Variants in TCF4 observed in about 807,000 individuals in gnomAD.
TCF4 encodes the protein SL3-3 enhancer factor 2.
In TCF4, 3 loss-of-function variants were observed where a neutral mutation model predicts 82.1. The ratio of observed to expected loss-of-function variants is 0.04; its 90% CI spans 0.02 to 0.09. TCF4 has a LOEUF of 0.09. TCF4 is among the 10% of genes least tolerant of loss of function. TCF4 has a pLI of 1.00. For synonymous variants in TCF4, 276 were observed against 309.6 expected (o/e 0.89, Z 1.14); for missense variants, 518 against 852.7 (o/e 0.61, Z 4.89).
At chr18:55,383,717 T>A (rs184677058) in intron 6 of TCF4, among the ~76,000 whole-genome samples, 1 of 152,346 alleles carries the variant, frequency 6.6e-6, no homozygotes, top group Non-Finnish European at 1.5e-5. Flanking sequence ...TGCTACTGCA[T>A]AAGAGATTCT....
At chr18:55,279,800 T>C in intron 8 of TCF4, 144 bp from the exon 9 acceptor site, 1 of 1,306,628 alleles carries the variant, frequency 7.7e-7, no homozygotes, top group South Asian at 1.5e-5. Flanking sequence ...AACAGTGCCC[T>C]TTCCGAACAC....
chr18:55,475,383 C>T (rs144378833), intron 3 of TCF4, among the ~76,000 whole-genome samples: 14 of 152,278 alleles, frequency 9.2e-5, no homozygotes, highest in Admixed American at 2.6e-4. Context: ...CAGGACATCA[C>T]TTCCAGAGCC....
At position 55,254,713 on chromosome 18, in the gene TCF4, A is replaced by C; in HGVS notation, c.1147-13T>G. The C allele has an allele frequency of 1.3e-6, 2 of 1,595,100 alleles. No homozygotes were observed. Among genetic ancestry groups the C allele is most frequent in the Non-Finnish European group, 1.7e-6 (2 of 1,169,954 alleles). ...CAATTCGGCTTTGCTGTTGGTTAAC[A>C]AATGATGTAAAATTTGATTTAGTTC... is the stretch of plus-strand genomic sequence containing the variant. On this transcript the variant is annotated splice_polypyrimidine_tract_variant and intron_variant, in intron 14 of 19. Coordinates refer to ENST00000354452, the MANE Select transcript of TCF4 (RefSeq NM_001083962.2).
At chr18:55,341,023 T>C (rs960780370) in intron 8 of TCF4, among the ~76,000 whole-genome samples, 2 of 152,228 alleles carry the variant, frequency 1.3e-5, no homozygotes, top group African/African-American at 4.8e-5. Context: ...GCAAAAGTTA[T>C]AGGACATGAC....
At chr18:55,475,256 G>T (rs2096267237) in intron 3 of TCF4, among the ~76,000 whole-genome samples, 1 of 152,098 alleles carries the variant, frequency 6.6e-6, no homozygotes, top group Non-Finnish European at 1.5e-5. Flanking sequence ...TTAGAATTTT[G>T]GAAGAATACA....
At chr18:55,376,112 C>A (rs1248156987) in intron 6 of TCF4, among the ~76,000 whole-genome samples, 3 of 151,370 alleles carry the variant, frequency 2.0e-5, no homozygotes, top group Non-Finnish European at 4.4e-5. Flanking sequence ...ACCTCCACCC[C>A]CAGGGCTCAA....
intron 8 of TCF4, among the ~76,000 whole-genome samples, chr18:55,337,275 G>C (rs993709599): frequency 7.2e-5 from 11 of 152,150 alleles, no homozygotes; most frequent in African/African-American, 2.4e-4. Flanking sequence ...TCAGAAGTTG[G>C]TCATCTTACT....
intron 8 of TCF4, among the ~76,000 whole-genome samples, chr18:55,294,288 G>T (rs550215168): frequency 2.0e-4 from 31 of 151,842 alleles, no homozygotes; most frequent in African/African-American, 6.0e-4. Context: ...GAAAAAGAAA[G>T]AAATTCATAT....
intron 1 of TCF4, chr18:55,631,395 G>A: frequency 1.9e-6 from 3 of 1,546,520 alleles, no homozygotes; most frequent in Non-Finnish European, 1.7e-6. Context: ...TTTGCTGCAG[G>A]GTGGAGAAAA....
At chr18:55,301,592 CT>C (rs776919478) in intron 8 of TCF4, among the ~76,000 whole-genome samples, 3 of 152,118 alleles carry the variant, frequency 2.0e-5, no homozygotes, top group East Asian at 1.9e-4. Context: ...TTCCTTCCCC[CT>C]ATCCCATTAT....
chr18:55,496,255 G>C (rs1279393032), intron 3 of TCF4: 1 of 152,132 alleles, frequency 6.6e-6, no homozygotes, highest in African/African-American at 2.4e-5. Context: ...GTTACAAATT[G>C]TGCCAAAGTA....
chr18:55,314,479 C>CT (rs1352862842), intron 8 of TCF4, among the ~76,000 whole-genome samples: 2 of 151,320 alleles, frequency 1.3e-5, no homozygotes, highest in African/African-American at 4.9e-5. Context: ...CAGTACTTAA[C>CT]TGGATAGGGT....
rs1293545947 is a variant in TCF4 at position 55,377,948 on chromosome 18, T to C, written c.369+25506A>G. On this transcript the variant is annotated intron_variant, in intron 6 of 19. Transcript: ENST00000354452. ...ATAGAATAAAAAGACAATGTAACAT[T>C]TTATTAATGTTACTGTGCCATTTTG... Among the ~76,000 whole-genome samples the C allele has an allele frequency of 2.0e-5, 3 of 152,336 alleles. No homozygotes were observed. In the East Asian group the frequency reaches 5.8e-4, roughly 29 times the overall value.
At position 55,633,585 on chromosome 18, in the gene TCF4, C is replaced by T. The variant is rs1470362544; in HGVS notation, c.195+2118G>A. 6.6e-6 allele frequency among the ~76,000 whole-genome samples: 1 copy of T among 151,990 alleles called. No homozygotes were observed. The highest frequency in any genetic ancestry group is 2.4e-5 in the African/African-American group (1 of 41,386). ...GAGGATTTGTGGACATATTTTAAAC[C>T]CAGAATACCTGGGGAGATACTATAG... On this transcript the variant is annotated intron_variant, in intron 1 of 20. Coordinates refer to the TCF4 transcript ENST00000398339. The surrounding 1 kb of genome is among the most constrained non-coding windows in gnomAD (Gnocchi z 4.0).
intron 2 of TCF4, among the ~76,000 whole-genome samples, chr18:55,625,675 T>C (rs1364339230): frequency 6.6e-6 from 1 of 152,240 alleles, no homozygotes; most frequent in African/African-American, 2.4e-5. Context: ...TATTTTCTGA[T>C]ATATTTTTGT....
intron 3 of TCF4, among the ~76,000 whole-genome samples, chr18:55,576,106 C>T (rs780489593): frequency 9.2e-5 from 14 of 152,098 alleles, no homozygotes; most frequent in Non-Finnish European, 4.4e-5. Context: ...TTGAATTGTA[C>T]TGGTGAGTTT....
At chr18:55,258,415 G>C (rs939010811) in intron 13 of TCF4, among the ~76,000 whole-genome samples, 1 of 152,146 alleles carries the variant, frequency 6.6e-6, no homozygotes, top group South Asian at 2.1e-4. Flanking sequence ...TACTCAGGTC[G>C]AGGGAATTTG....
At chr18:55,467,220 T>C (rs895591020) in intron 3 of TCF4, among the ~76,000 whole-genome samples, 3 of 152,218 alleles carry the variant, frequency 2.0e-5, no homozygotes, top group African/African-American at 7.2e-5. Context: ...TGCGCAATGG[T>C]AATTCATAAT....
chr18:55,497,109 A>G (rs372374969), intron 3 of TCF4, among the ~76,000 whole-genome samples: 2 of 152,186 alleles, frequency 1.3e-5, no homozygotes, highest in Admixed American at 1.3e-4. Flanking sequence ...TCTATTATAA[A>G]TATCTTCAAT....
Sources: gnomAD v4.1 joint callset for allele counts (sites outside exome capture counted in the v4.1 genomes callset) on GRCh38, gnomAD v4.1.1 for gene constraint, Gnocchi (gnomAD v3.1) non-coding constraint, MANE v1.5 for transcripts, NCBI Gene and HGNC (gene_info 2026-07-23, HGNC 2026-07-21) for gene names.